The following TRIO variants were observed in gnomAD, a reference collection of about 807,000 sequenced individuals.
The protein encoded by TRIO is trio Rho guanine nucleotide exchange factor.
TRIO carries 58 observed loss-of-function variants against 351.9 expected under a neutral mutation model. The ratio of observed to expected loss-of-function variants is 0.16; its 90% CI spans 0.13 to 0.21. TRIO has a LOEUF of 0.21. Ranked by LOEUF, TRIO falls within the 10% of genes least tolerant of loss-of-function variation. TRIO has a pLI of 1.00. For synonymous variants in TRIO, 1,758 were observed against 1,595.7 expected, an observed-to-expected ratio of 1.10 and a Z score of -2.42; for missense variants, 3,201 against 4,027.8, an observed-to-expected ratio of 0.79 and a Z score of 5.56.
chr5:14,388,779 A>G (rs181048315), intron 24 of TRIO, 100 bp downstream of exon 24: 4 of 1,342,874 alleles, frequency 3.0e-6, no homozygotes, highest in Non-Finnish European at 4.1e-6. Context: ...AATAATCACA[A>G]TTTTTTTCTG....
At position 14,286,377 on chromosome 5, in the gene TRIO, A is replaced by G. The variant is rs1379935348; in HGVS notation, c.348-494A>G. On this transcript the variant is annotated intron_variant, in intron 3 of 56. Transcript: ENST00000344204. The surrounding 1 kb of genome is among the most constrained non-coding windows in gnomAD (Gnocchi z 4.4). ...AGTTCTCATCATTGCCAGCCATGCT[A>G]GTGGGGGGTCATTTTCAGCACCTGG... 6.6e-6 allele frequency among the ~76,000 whole-genome samples: 1 copy of G among 152,110 alleles called. No individual in the cohort carries two copies. The highest frequency in any genetic ancestry group is 1.5e-5 in the Non-Finnish European group (1 of 68,016).
chr5:14,278,656 T>C (rs1463813956), intron 2 of TRIO, among the ~76,000 whole-genome samples: 2 of 152,210 alleles, frequency 1.3e-5, no homozygotes, highest in African/African-American at 2.4e-5. Flanking sequence ...ACGAAAAATA[T>C]TGAAATTGTT....
chr5:14,186,015 G>GT (rs954097773), intron 1 of TRIO, among the ~76,000 whole-genome samples: 6 of 152,354 alleles, frequency 3.9e-5, no homozygotes, highest in African/African-American at 1.4e-4. Flanking sequence ...GGACCAGAGT[G>GT]TTTTGAATAG....
At chr5:14,226,149 G>A (rs1793009308) in intron 1 of TRIO, among the ~76,000 whole-genome samples, 1 of 152,138 alleles carries the variant, frequency 6.6e-6, no homozygotes, top group Non-Finnish European at 1.5e-5. Flanking sequence ...ACACAGTGCA[G>A]ATGAGATGGG....
At chr5:14,402,128 C>G (rs555357518) in intron 31 of TRIO, among the ~76,000 whole-genome samples, 6 of 152,076 alleles carry the variant, frequency 3.9e-5, no homozygotes. Context: ...TCAGTTGCAC[C>G]GATAGCTAAA....
chr5:14,176,665 C>A (rs1453171629), intron 1 of TRIO, among the ~76,000 whole-genome samples: 3 of 152,102 alleles, frequency 2.0e-5, no homozygotes, highest in Non-Finnish European at 4.4e-5. Flanking sequence ...AACCAAGTTG[C>A]CTTGGCCGGT....
At chr5:14,461,376 A>T in intron 35 of TRIO, 65 bp downstream of exon 35, 1 of 1,441,038 alleles carries the variant, frequency 6.9e-7, no homozygotes. Context: ...CTGCAAGAAT[A>T]GTTGCTGATC....
intron 10 of TRIO, among the ~76,000 whole-genome samples, chr5:14,332,844 T>C (rs1741028839): frequency 6.6e-6 from 1 of 152,188 alleles, no homozygotes; most frequent in South Asian, 2.1e-4. Context: ...CATGTAGAAA[T>C]GCCTGACACC....
intron 8 of TRIO, among the ~76,000 whole-genome samples, chr5:14,305,265 G>A (rs1456939813): frequency 6.6e-6 from 1 of 152,222 alleles, no homozygotes; most frequent in African/African-American, 2.4e-5. Context: ...CACCCTCTGC[G>A]GCCTCTGTGC....
intron 34 of TRIO, among the ~76,000 whole-genome samples, chr5:14,452,125 C>G (rs1752888596): frequency 6.6e-6 from 1 of 152,218 alleles, no homozygotes; most frequent in Non-Finnish European, 1.5e-5. Flanking sequence ...TGAGGGCTGC[C>G]AGTCACAGCA....
At chr5:14,166,812 G>A (rs1017722251) in intron 1 of TRIO, among the ~76,000 whole-genome samples, 1 of 152,210 alleles carries the variant, frequency 6.6e-6, no homozygotes, top group African/African-American at 2.4e-5. Flanking sequence ...GGAAAAAGGA[G>A]AAAGGGAGAC....
chr5:14,413,414 T>C (rs752253748), intron 33 of TRIO, among the ~76,000 whole-genome samples: 1 of 152,222 alleles, frequency 6.6e-6, no homozygotes, highest in African/African-American at 2.4e-5. Context: ...TTCTCAGATA[T>C]GTATTGGCCA....
At chr5:14,202,139 G>T (rs1395353650) in intron 1 of TRIO, among the ~76,000 whole-genome samples, 1 of 151,310 alleles carries the variant, frequency 6.6e-6, no homozygotes, top group Non-Finnish European at 1.5e-5. Flanking sequence ...AAAGAAAAAA[G>T]GTGAAAAGTT....
At chr5:14,409,422 G>A (rs1217987653) in intron 33 of TRIO, among the ~76,000 whole-genome samples, 2 of 151,660 alleles carry the variant, frequency 1.3e-5, no homozygotes, top group East Asian at 1.9e-4. Context: ...GTCCACTAGG[G>A]TATGAAAATG....
In TRIO at chr5:14,211,943, C is replaced by T. The variant is rs548319606; in HGVS notation, c.158-58882C>T. ...CCTAGGCAACACAGTGGTGAGACCCCATCTCTCCAAAAAAAAAAACCAAAA... is the reference window on the plus strand; with the variant it reads ...CCTAGGCAACACAGTGGTGAGACCCTATCTCTCCAAAAAAAAAAACCAAAA... On this transcript the variant is annotated intron_variant, in intron 1 of 56. Coordinates refer to ENST00000344204, the MANE Select transcript of TRIO (RefSeq NM_007118.4). 5.2e-5 allele frequency among the ~76,000 whole-genome samples: 7 copies of T among 134,800 alleles called. No homozygotes were observed. The East Asian group carries it at 1.5e-3, about 30-fold the overall frequency. The allele number at this position is 134,800 out of a possible 152,430, so 88.4% of individuals were successfully genotyped here. A position where few individuals can be genotyped will look rare whatever the true frequency, so the allele number is the denominator to read the frequency against.
rs150125838 is a variant in TRIO, at chr5:14,262,633, G to T, written c.158-8192G>T. On this transcript the variant is annotated intron_variant, in intron 1 of 56. Coordinates refer to ENST00000344204, the MANE Select transcript of TRIO (RefSeq NM_007118.4). ...GGAATAGCACATGAGGGCAATGCTG[G>T]CAGAGACAGGGGTGCTTCATGGGAC... Among the ~76,000 whole-genome samples the T allele has an allele frequency of 3.1e-4, 47 of 152,262 alleles. No individual in the cohort carries two copies. The East Asian group carries it at 8.3e-3, about 27-fold the overall frequency.
Position 14,488,154 on chromosome 5 carries a change from T to G in TRIO, c.7526T>G (p.Leu2509Arg), listed in dbSNP as rs1018229670. Reference sequence around the variant, plus strand: ...ACCTTCCCGGGGGACAGCGACTCCCTCCAGCGGCAGACACCCCGCCACGCG... The same window carrying G: ...ACCTTCCCGGGGGACAGCGACTCCCGCCAGCGGCAGACACCCCGCCACGCG... The part of the protein sequence containing the change: ...SFTFPGDSDS[L>R]QRQTPRHAAP... Residue 2509 changes from leucine to arginine, a missense_variant, in exon 48 of 57, where the codon CTC becomes CGC. Leu to Arg is a moderately radical substitution (Grantham distance 102, BLOSUM62 -2). Around this residue, in one of 19 missense-constraint regions of TRIO, gnomAD observed 1,089 missense variants for 954.9 expected, o/e 1.14. Coordinates refer to ENST00000344204, the MANE Select transcript of TRIO (RefSeq NM_007118.4). 1 of 1,605,578 alleles carries G rather than the reference T, an allele frequency of 6.2e-7. No individual in the cohort carries two copies. The highest frequency in any genetic ancestry group is 2.2e-5 in the East Asian group (1 of 44,772).
At chr5:14,339,649 TAGC>T (rs1741755568) in intron 11 of TRIO, among the ~76,000 whole-genome samples, 1 of 152,166 alleles carries the variant, frequency 6.6e-6, no homozygotes, top group Admixed American at 6.5e-5. Context: ...AGGGAGGGCA[TAGC>T]AGGACACACG....
intron 1 of TRIO, among the ~76,000 whole-genome samples, chr5:14,204,145 G>C (rs557526756): frequency 6.6e-6 from 1 of 152,178 alleles, no homozygotes; most frequent in Non-Finnish European, 1.5e-5. Context: ...CTTGTTTTGA[G>C]TTGTGTGTCT....
Sources: gnomAD v4.1 joint callset for allele counts (sites outside exome capture counted in the v4.1 genomes callset) on GRCh38, gnomAD v4.1.1 for gene constraint, gnomAD v4.1.1 regional missense constraint, Gnocchi (gnomAD v3.1) non-coding constraint, MANE v1.5 for transcripts, NCBI Gene and HGNC (gene_info 2026-07-23, HGNC 2026-07-21) for gene names.